GRK3: variants seen among roughly 807,000 people sequenced by gnomAD.
GRK3 encodes G protein-coupled receptor kinase 3.
A neutral mutation model predicts 95.7 loss-of-function variants in GRK3; 54 were observed. That is an observed-to-expected ratio of 0.56 (90% CI 0.45 to 0.71). The LOEUF (loss-of-function observed/expected upper bound fraction) is 0.71, where lower values mean the gene tolerates loss of function less well. Among genes scored for constraint, GRK3 ranks in the 30% least tolerant of loss-of-function variants. The pLI is 0.00. For synonymous variants in GRK3, 281 were observed against 290.8 expected (o/e 0.97, Z 0.34); for missense variants, 649 against 851.2 (o/e 0.76, Z 2.96).
intron 1 of GRK3, among the ~76,000 whole-genome samples, chr22:25,587,619 T>C (rs1448620511): frequency 1.3e-5 from 2 of 151,958 alleles, no homozygotes; most frequent in African/African-American, 2.4e-5. Flanking sequence ...TTGGTAGAGA[T>C]GGGTGATGTG....
Position 25,605,153 on chromosome 22 carries a change from T to G in GRK3, c.190+700T>G, listed in dbSNP as rs140503264. On this transcript the variant is annotated intron_variant, in intron 2 of 20. Coordinates refer to ENST00000324198, the MANE Select transcript of GRK3 (RefSeq NM_005160.4). ...GAAAATTAGCCTGTCTGTGAAGAGG[T>G]TCTTTGGTAGATACAGTTTCTTTGA... Among the ~76,000 whole-genome samples the G allele has an allele frequency of 4.6e-3, 703 of 152,316 alleles. 4 individuals are homozygous for G. Among genetic ancestry groups the G allele is most frequent in the African/African-American group, 0.016 (647 of 41,570 alleles).
chr22:25,695,148 GGACGGCCTAT>G lies in GRK3; in HGVS notation c.1098_1107del (p.Tyr368ValfsTer15), dbSNP rs1320524161. The G allele has an allele frequency of 1.9e-6, 3 of 1,613,978 alleles. No homozygotes were observed. On this transcript the variant is annotated frameshift_variant, in exon 13 of 21. Coordinates refer to ENST00000324198, the MANE Select transcript of GRK3 (RefSeq NM_005160.4). LOFTEE classifies it high-confidence loss of function. ...ATGGCTCCCGAGGTGCTGCAGAAGGGGACGGCCTATGACAGCAGTGCCGACTGGTTCTCCC... is the reference window on the plus strand; with the variant it reads ...ATGGCTCCCGAGGTGCTGCAGAAGGGGACAGCAGTGCCGACTGGTTCTCCC...
At chr22:25,565,407 G>A (rs547543142) in intron 1 of GRK3, among the ~76,000 whole-genome samples, 8 of 152,338 alleles carry the variant, frequency 5.3e-5, no homozygotes, top group African/African-American at 1.9e-4. Context: ...GAGCGCCCCA[G>A]CCAGGGTCTG....
chr22:25,681,211 G>A (rs1188945473), intron 9 of GRK3, among the ~76,000 whole-genome samples: 2 of 152,078 alleles, frequency 1.3e-5, no homozygotes, highest in African/African-American at 2.4e-5. Context: ...GGCACTCTGC[G>A]GCAAGCTGGG....
intron 2 of GRK3, among the ~76,000 whole-genome samples, chr22:25,636,279 A>G (rs2084700966): frequency 1.3e-5 from 2 of 152,334 alleles, no homozygotes; most frequent in South Asian, 4.1e-4. Context: ...CATTGCTTCT[A>G]GACCTTTATA....
chr22:25,646,699 A>C (rs965088396), intron 3 of GRK3, among the ~76,000 whole-genome samples: 3 of 152,192 alleles, frequency 2.0e-5, no homozygotes, highest in African/African-American at 7.2e-5. Flanking sequence ...AATTTGACTG[A>C]CTGACATCTT....
intron 8 of GRK3, among the ~76,000 whole-genome samples, chr22:25,676,194 T>G (rs1027948637): frequency 1.3e-5 from 2 of 151,996 alleles, no homozygotes; most frequent in Non-Finnish European, 2.9e-5. Flanking sequence ...TCTGCAACCC[T>G]GGTCACTTTC....
chr22:25,703,491 C>A lies in GRK3; in HGVS notation c.1161-19C>A, dbSNP rs189608145. ...CACCTGATGCCATATTTTGATAGAA[C>A]AATTCTTTATTTCTACAGTCACAGC... On this transcript the variant is annotated intron_variant, in intron 13 of 20. Coordinates refer to ENST00000324198, the MANE Select transcript of GRK3 (RefSeq NM_005160.4). The A allele has an allele frequency of 5.0e-6, 8 of 1,599,066 alleles. No individual in the cohort carries two copies. In the Admixed American group the frequency reaches 1.2e-4, roughly 23 times the overall value.
At chr22:25,618,057 G>A (rs2084553617) in intron 2 of GRK3, among the ~76,000 whole-genome samples, 2 of 152,240 alleles carry the variant, frequency 1.3e-5, no homozygotes, top group Admixed American at 6.5e-5. Context: ...ACAGGCGTGA[G>A]CCAACATGCC....
intron 1 of GRK3, among the ~76,000 whole-genome samples, chr22:25,600,716 C>A (rs2084404072): frequency 6.6e-6 from 1 of 152,058 alleles, no homozygotes; most frequent in Non-Finnish European, 1.5e-5. Flanking sequence ...CGAGGCGGGT[C>A]CTAGATAGAA....
chr22:25,648,081 A>G (rs113046956), intron 3 of GRK3: 5,987 of 552,010 alleles, frequency 0.011, 89 homozygotes, highest in Non-Finnish European at 0.01. Flanking sequence ...GCGCCACTGC[A>G]CTCCAGCCTC....
rs937296257 is a variant in GRK3 at position 25,579,052 on chromosome 22, A to G, written c.113+13899A>G. Among the ~76,000 whole-genome samples, 53 of 152,274 alleles carry G rather than the reference A, an allele frequency of 3.5e-4. No individual in the cohort carries two copies. The Middle Eastern group carries it at 0.014, about 39-fold the overall frequency. On this transcript the variant is annotated intron_variant, in intron 1 of 20. Transcript: ENST00000324198. ...CCTACTCTGTCTCTGAATAGTGGCA[A>G]TTGAAAAGGTAAAGAATTAAGCATT...
chr22:25,627,614 A>G (rs1482200666), intron 2 of GRK3, among the ~76,000 whole-genome samples: 1 of 152,192 alleles, frequency 6.6e-6, no homozygotes, highest in African/African-American at 2.4e-5. Context: ...AATTTATCCA[A>G]CGTTCATTGA....
At chr22:25,673,589 G>A (rs1389752295) in intron 7 of GRK3, among the ~76,000 whole-genome samples, 3 of 151,984 alleles carry the variant, frequency 2.0e-5, no homozygotes, top group African/African-American at 7.2e-5. Flanking sequence ...AGAATCAAAC[G>A]TGAAGTCTGT....
intron 2 of GRK3, 50 bp from the exon 3 acceptor site, chr22:25,644,542 A>G (rs755756709): frequency 6.6e-6 from 6 of 912,870 alleles, no homozygotes; most frequent in African/African-American, 5.0e-5. Flanking sequence ...CTTGTGGGAT[A>G]AAATTTCAAT....
rs748465679 is a variant in GRK3, at chr22:25,565,038, A to G, written c.-3A>G. 1 of 1,385,334 alleles carries G rather than the reference A, an allele frequency of 7.2e-7. No individual in the cohort carries two copies. Among genetic ancestry groups the G allele is most frequent in the South Asian group, 1.3e-5 (1 of 78,590 alleles). 85.8% of individuals were successfully genotyped at this position (1,385,334 alleles called of 1,614,324 possible). A position where few individuals can be genotyped will look rare whatever the true frequency, so the allele number is the denominator to read the frequency against. ...GCCGCCGCCGCCGCCAAAGCTCGCCAACATGGCGGACCTGGAGGCTGTGCT... is the reference window on the plus strand; with the variant it reads ...GCCGCCGCCGCCGCCAAAGCTCGCCGACATGGCGGACCTGGAGGCTGTGCT... On this transcript the variant is annotated 5_prime_UTR_variant, in exon 1 of 21. Coordinates refer to ENST00000324198, the MANE Select transcript of GRK3 (RefSeq NM_005160.4).
chr22:25,628,553 C>T (rs2084643381), intron 2 of GRK3, among the ~76,000 whole-genome samples: 1 of 152,116 alleles, frequency 6.6e-6, no homozygotes, highest in African/African-American at 2.4e-5. Flanking sequence ...GGAAGATCTC[C>T]AAGGCATAGT....
At chr22:25,651,721 T>C (rs2084832310) in intron 3 of GRK3, among the ~76,000 whole-genome samples, 1 of 152,254 alleles carries the variant, frequency 6.6e-6, no homozygotes, top group Non-Finnish European at 1.5e-5. Context: ...TTTAACTGAA[T>C]GGAGCAGTTC....
At chr22:25,575,378 GCTAGCCTTTCACAACCCT>G (rs1931854821) in intron 1 of GRK3, among the ~76,000 whole-genome samples, 1 of 152,104 alleles carries the variant, frequency 6.6e-6, no homozygotes, top group Non-Finnish European at 1.5e-5. Flanking sequence ...GCTCAGTGGT[GCTAGCCTTTCACAACCCT>G]CTTTCCCTTA....
Sources: gnomAD v4.1 joint callset for allele counts (sites outside exome capture counted in the v4.1 genomes callset) on GRCh38, gnomAD v4.1.1 for gene constraint, MANE v1.5 for transcripts, NCBI Gene and HGNC (gene_info 2026-07-23, HGNC 2026-07-21) for gene names.